PWWP3B: variants seen among roughly 807,000 people sequenced by gnomAD.
PWWP3B encodes the protein PWWP domain-containing DNA repair factor 3B.
PWWP3B carries 5 observed loss-of-function variants against 15.7 expected under a neutral mutation model. The ratio of observed to expected loss-of-function variants is 0.32; its 90% CI spans 0.17 to 0.67. PWWP3B has a LOEUF of 0.67. PWWP3B is among the 30% of genes least tolerant of loss of function. PWWP3B has a pLI of 0.74. For synonymous variants in PWWP3B, 203 were observed against 179.8 expected, an observed-to-expected ratio of 1.13 and a Z score of -1.03; for missense variants, 519 against 493.1, an observed-to-expected ratio of 1.05 and a Z score of -0.50.
intron 2 of PWWP3B, among the ~76,000 whole-genome samples, chrX:106,175,010 C>T (rs1432653682): frequency 1.1e-5 from 1 of 94,947 alleles, no homozygotes; most frequent in Non-Finnish European, 2.1e-5. Flanking sequence ...CACTGCACTA[C>T]AGCCTGAGCG....
intron 2 of PWWP3B, among the ~76,000 whole-genome samples, chrX:106,185,019 T>C: frequency 8.9e-6 from 1 of 111,843 alleles, no homozygotes; most frequent in East Asian, 2.8e-4. Context: ...GTAAATTGCA[T>C]GCTTTGCATA....
Position 106,206,549 on chromosome X carries a change from G to A in PWWP3B, c.1117G>A (p.Glu373Lys), listed in dbSNP as rs780973655. Reference sequence around the variant, plus strand: ...TAATCTTTCTCTATTAGATGATGATGAGGAAGACGAAGAACTTCCACGCTT... The same window carrying A: ...TAATCTTTCTCTATTAGATGATGATAAGGAAGACGAAGAACTTCCACGCTT... The part of the protein sequence containing the change: ...RINLSLLDDD[E>K]EDEELPRFIL... Residue 373 changes from glutamate to lysine, a missense_variant, in exon 4 of 4, where the codon GAG becomes AAG. By Grantham distance (56) the Glu-to-Lys change is moderately conservative. Coordinates refer to ENST00000357175, the MANE Select transcript of PWWP3B (RefSeq NM_001171020.2). The A allele has an allele frequency of 1.7e-6, 2 of 1,208,652 alleles. No homozygotes were observed. The highest frequency in any genetic ancestry group is 1.1e-6 in the Non-Finnish European group (1 of 894,087).
chrX:106,189,818 C>T (rs1289259860), intron 2 of PWWP3B, among the ~76,000 whole-genome samples: 3 of 109,712 alleles, frequency 2.7e-5, no homozygotes, highest in East Asian at 2.9e-4. Context: ...GGGGTTTCAC[C>T]GTGTTAGCCA....
chrX:106,200,973 G>A (rs1486074043), intron 2 of PWWP3B, among the ~76,000 whole-genome samples: 2 of 109,536 alleles, frequency 1.8e-5, no homozygotes, highest in Non-Finnish European at 3.8e-5. Flanking sequence ...GCGTGAACCC[G>A]GGAGGCGGAG....
intron 2 of PWWP3B, among the ~76,000 whole-genome samples, chrX:106,183,472 G>A (rs1922329441): frequency 9.0e-6 from 1 of 111,625 alleles, no homozygotes; most frequent in Non-Finnish European, 1.9e-5. Context: ...AGACTTCAAG[G>A]TTGATTCCCT....
intron 2 of PWWP3B, among the ~76,000 whole-genome samples, chrX:106,192,348 T>C (rs1227640975): frequency 8.9e-6 from 1 of 111,996 alleles, no homozygotes; most frequent in Admixed American, 9.5e-5. Flanking sequence ...TATAGTATTC[T>C]CTGATGGTAG....
At chrX:106,198,858 T>A (rs1382475961) in intron 2 of PWWP3B, among the ~76,000 whole-genome samples, 2 of 110,547 alleles carry the variant, frequency 1.8e-5, no homozygotes, top group East Asian at 2.8e-4. Flanking sequence ...GGCATTTGTT[T>A]TTTTCCAAAC....
chrX:106,184,099 A>C (rs1922367969), intron 2 of PWWP3B, among the ~76,000 whole-genome samples: 1 of 111,641 alleles, frequency 9.0e-6, no homozygotes, highest in African/African-American at 3.3e-5. Context: ...GCCATGACTA[A>C]GGCTGCAGCC....
chrX:106,183,490 T>C (rs1472233428), intron 2 of PWWP3B, among the ~76,000 whole-genome samples: 4 of 111,633 alleles, frequency 3.6e-5, no homozygotes, highest in African/African-American at 1.3e-4. Context: ...CCTCCTCAAA[T>C]AGGGGACAAC....
At chrX:106,191,476 T>A (rs1922956468) in intron 2 of PWWP3B, among the ~76,000 whole-genome samples, 1 of 111,629 alleles carries the variant, frequency 9.0e-6, no homozygotes, top group Admixed American at 9.5e-5. Context: ...TACAATCATG[T>A]CATCTGCAAA....
chrX:106,177,751 A>C (rs1921975044), intron 2 of PWWP3B, among the ~76,000 whole-genome samples: 1 of 112,107 alleles, frequency 8.9e-6, no homozygotes, highest in Non-Finnish European at 1.9e-5. Flanking sequence ...ACATATAGGG[A>C]CACAAATATA....
Position 106,206,128 on chromosome X carries a change from A to G in PWWP3B, c.696A>G (p.Lys232=). ...SAVKEESACV[K]DEKFAPPLSP... ...TCAAAGAGGAAAGTGCATGTGTTAA[A>G]GATGAAAAGTTTGCTCCACCTTTGT... Residue 232 remains lysine (K), a synonymous_variant, in exon 4 of 4, where the codon AAA becomes AAG. Transcript: ENST00000357175. The G allele has an allele frequency of 8.3e-7, 1 of 1,211,133 alleles. No individual in the cohort carries two copies. Among genetic ancestry groups the G allele is most frequent in the South Asian group, 1.8e-5 (1 of 56,760 alleles).
At chrX:106,192,703 C>A (rs1223937366) in intron 2 of PWWP3B, among the ~76,000 whole-genome samples, 2 of 108,800 alleles carry the variant, frequency 1.8e-5, no homozygotes, top group Non-Finnish European at 3.8e-5. Flanking sequence ...CCCTCTACAC[C>A]CTGCTTTGAA....
intron 2 of PWWP3B, among the ~76,000 whole-genome samples, chrX:106,181,967 G>A (rs953411980): frequency 9.0e-6 from 1 of 111,687 alleles, no homozygotes; most frequent in Non-Finnish European, 1.9e-5. Context: ...AACTCCAGAG[G>A]TTGGTATAAG....
At chrX:106,189,799 A>G (rs1296904412) in intron 2 of PWWP3B, among the ~76,000 whole-genome samples, 1 of 108,681 alleles carries the variant, frequency 9.2e-6, no homozygotes, top group East Asian at 2.9e-4. Flanking sequence ...TTGTATTTTT[A>G]GTAGAGACGG....
chrX:106,203,905 C>T (rs1923843748), intron 2 of PWWP3B, 80 bp from the exon 3 acceptor site: 1 of 112,247 alleles, frequency 8.9e-6, no homozygotes, highest in Admixed American at 9.4e-5. Flanking sequence ...GAATGACATG[C>T]CTGTTAAAGT....
intron 2 of PWWP3B, among the ~76,000 whole-genome samples, chrX:106,195,376 G>T (rs745953641): frequency 1.8e-5 from 2 of 111,066 alleles, no homozygotes; most frequent in East Asian, 2.8e-4. Flanking sequence ...ATTTTTTATG[G>T]TCCATGCTTT....
chrX:106,202,506 C>T (rs1223403329), intron 2 of PWWP3B, among the ~76,000 whole-genome samples: 1 of 111,184 alleles, frequency 9.0e-6, no homozygotes, highest in Non-Finnish European at 1.9e-5. Context: ...TGTCTTCTGC[C>T]AATAGTGGAA....
chrX:106,205,646 CT>C lies in PWWP3B; in HGVS notation c.215del (p.Leu72HisfsTer19). ...QIEAIAASLG[L>X]QSEDSAPPTE... ...TGAAGCCATTGCTGCCTCATTAGGA[CT>C]ACAGTCAGAGGACAGTGCTCCACCT... is the stretch of plus-strand genomic sequence containing the variant. On this transcript the variant is annotated frameshift_variant, in exon 4 of 4. Coordinates refer to ENST00000357175, the MANE Select transcript of PWWP3B (RefSeq NM_001171020.2). LOFTEE classifies it low-confidence loss of function (END_TRUNC). 8.3e-7 allele frequency: 1 copy of C among 1,210,573 alleles called. No homozygotes were observed. The highest frequency in any genetic ancestry group is 1.1e-6 in the Non-Finnish European group (1 of 894,810).
Sources: allele counts gnomAD v4.1 joint callset (sites outside exome capture counted in the v4.1 genomes callset), GRCh38; gene constraint gnomAD v4.1.1; transcripts MANE v1.5; gene names NCBI Gene and HGNC (gene_info 2026-07-23, HGNC 2026-07-21).